Variants in RANBP17 observed in about 807,000 individuals in gnomAD.
RANBP17 encodes the protein ran-binding protein 17.
RANBP17 carries 158 observed loss-of-function variants against 141.2 expected under a neutral mutation model. The ratio of observed to expected loss-of-function variants is 1.12; its 90% CI spans 0.98 to 1.28. The LOEUF (loss-of-function observed/expected upper bound fraction) is 1.28, where lower values mean the gene tolerates loss of function less well. RANBP17 is among the 50% of genes most tolerant of loss of function. RANBP17 has a pLI of 0.00. For synonymous variants in RANBP17, 430 were observed against 450.0 expected (o/e 0.96, Z 0.56); for missense variants, 1,438 against 1,290.7 (o/e 1.11, Z -1.75).
At position 170,869,163 on chromosome 5, in the gene RANBP17, T is replaced by C. The variant is rs556882511; in HGVS notation, c.18+7112T>C. On this transcript the variant is annotated intron_variant, in intron 1 of 27. Coordinates refer to ENST00000523189, the MANE Select transcript of RANBP17 (RefSeq NM_022897.5). ...GGTAACATTGTTGATTTAAATACTA[T>C]GTAAATATACCCCAGGTCTGTTCTG... is the stretch of plus-strand genomic sequence containing the variant. Among the ~76,000 whole-genome samples the C allele has an allele frequency of 2.0e-5, 3 of 152,328 alleles. No individual in the cohort carries two copies. The South Asian group carries it at 6.2e-4, about 32-fold the overall frequency.
intron 14 of RANBP17, among the ~76,000 whole-genome samples, chr5:171,107,050 T>TTC (rs1754893851): frequency 3.1e-5 from 4 of 129,894 alleles, no homozygotes; most frequent in South Asian, 5.5e-4. Context: ...TGTTGTTGTT[T>TTC]TGGAGTTCAA....
In RANBP17 at chr5:170,937,150, A is replaced by G. The variant is rs988970723; in HGVS notation, c.1468+12600A>G. ...AGGTGGAGGACACCAACTTAATTCCATTTAAATTATTTCCTTAGAATGGGA... is the reference window on the plus strand; with the variant it reads ...AGGTGGAGGACACCAACTTAATTCCGTTTAAATTATTTCCTTAGAATGGGA... On this transcript the variant is annotated intron_variant, in intron 12 of 27. Coordinates refer to ENST00000523189, the MANE Select transcript of RANBP17 (RefSeq NM_022897.5). Among the ~76,000 whole-genome samples the G allele has an allele frequency of 2.0e-5, 3 of 152,180 alleles. 1 individual carries two copies. In the South Asian group the frequency reaches 6.2e-4, roughly 31 times the overall value.
intron 11 of RANBP17, among the ~76,000 whole-genome samples, 195 bp from the exon 12 acceptor site, chr5:170,924,162 T>TA (rs1772721156): frequency 6.6e-6 from 1 of 152,114 alleles, no homozygotes; most frequent in Non-Finnish European, 1.5e-5. Context: ...CATGCCCAGC[T>TA]AACTTTTGTA....
chr5:171,198,703 C>T (rs191744486), intron 18 of RANBP17, among the ~76,000 whole-genome samples: 2 of 152,286 alleles, frequency 1.3e-5, no homozygotes, highest in African/African-American at 4.8e-5. Context: ...CTTTGAGGAC[C>T]TTCTCTGAGC....
chr5:171,225,927 C>G (rs1763853734), intron 22 of RANBP17, among the ~76,000 whole-genome samples: 1 of 152,186 alleles, frequency 6.6e-6, no homozygotes, highest in African/African-American at 2.4e-5. Flanking sequence ...CGTTACAGCT[C>G]AGGGTCAGCA....
At chr5:171,232,319 G>A (rs770159025) in intron 22 of RANBP17, among the ~76,000 whole-genome samples, 12 of 152,098 alleles carry the variant, frequency 7.9e-5, no homozygotes, top group Non-Finnish European at 1.5e-4. Flanking sequence ...AATTACATCA[G>A]TGCTGAAATT....
chr5:170,952,504 T>C (rs75763523), intron 12 of RANBP17, among the ~76,000 whole-genome samples: 4,014 of 152,120 alleles, frequency 0.026, 157 homozygotes, highest in African/African-American at 0.09. Flanking sequence ...ATAAAAGAGT[T>C]GTTGATTAAT....
chr5:171,118,373 A>G (rs574222294), intron 14 of RANBP17, among the ~76,000 whole-genome samples: 144 of 152,024 alleles, frequency 9.5e-4, no homozygotes, highest in African/African-American at 3.3e-3. Context: ...CATTTTGGCT[A>G]TATTTGGGGT....
At chr5:170,985,126 CACAA>C (rs1235071118) in intron 14 of RANBP17, among the ~76,000 whole-genome samples, 1 of 151,366 alleles carries the variant, frequency 6.6e-6, no homozygotes, top group Non-Finnish European at 1.5e-5. Context: ...CACATACATA[CACAA>C]ACACAGACAC....
chr5:170,974,247 T>C (rs1046713833), intron 14 of RANBP17, among the ~76,000 whole-genome samples: 8 of 152,174 alleles, frequency 5.3e-5, no homozygotes, highest in Admixed American at 5.2e-4. Flanking sequence ...GATAACATCA[T>C]ATGCTTCCAA....
chr5:171,249,121 T>A (rs1765402261), intron 24 of RANBP17, among the ~76,000 whole-genome samples: 1 of 152,144 alleles, frequency 6.6e-6, no homozygotes, highest in Non-Finnish European at 1.5e-5. Flanking sequence ...CAGCTTCCAC[T>A]AATAACTGCA....
chr5:171,007,848 GAGA>G (rs570454713), intron 14 of RANBP17, among the ~76,000 whole-genome samples: 15 of 152,264 alleles, frequency 9.9e-5, no homozygotes, highest in African/African-American at 3.1e-4. Flanking sequence ...ACAGGCTAAG[GAGA>G]AGAAGGAGGA....
rs746595815 is a variant in RANBP17, at chr5:170,878,210, C to T, written c.132C>T (p.Leu44=). The change falls in exon 2 of 28, where the codon CTC becomes CTT. Residue 44 remains leucine (L), a synonymous_variant. Transcript: ENST00000523189. ...AACTTATTGACAGTCCAGAATGTCT[C>T]AGCAAGTGTCAACTTTTATTAGAAC... The part of the protein sequence containing the change: ...LLELIDSPEC[L]SKCQLLLEQG... 6.2e-7 allele frequency: 1 copy of T among 1,609,618 alleles called. No homozygotes were observed. The highest frequency in any genetic ancestry group is 1.1e-5 in the South Asian group (1 of 89,492).
chr5:171,145,249 T>A (rs746556976), intron 14 of RANBP17, among the ~76,000 whole-genome samples: 14 of 152,138 alleles, frequency 9.2e-5, no homozygotes, highest in Non-Finnish European at 2.1e-4. Flanking sequence ...CAGTTGGTCT[T>A]TGGGGGCCAT....
chr5:171,060,574 A>G, intron 14 of RANBP17, among the ~76,000 whole-genome samples: 1 of 152,154 alleles, frequency 6.6e-6, no homozygotes. Context: ...TCAGTATTTT[A>G]TTGAGGATTT....
intron 14 of RANBP17, among the ~76,000 whole-genome samples, chr5:171,064,019 C>G (rs975216448): frequency 4.6e-5 from 7 of 152,246 alleles, no homozygotes; most frequent in Non-Finnish European, 5.9e-5. Flanking sequence ...ATCGGAAAAG[C>G]GCAGTATTAG....
At chr5:171,149,246 A>AT (rs1269721140) in intron 14 of RANBP17, among the ~76,000 whole-genome samples, 4 of 152,188 alleles carry the variant, frequency 2.6e-5, no homozygotes, top group African/African-American at 9.6e-5. Context: ...TTACTGTTCC[A>AT]TTTTTTACTG....
chr5:171,063,894 T>C (rs376219927), intron 14 of RANBP17, among the ~76,000 whole-genome samples: 43 of 152,332 alleles, frequency 2.8e-4, no homozygotes, highest in Non-Finnish European at 5.3e-4. Context: ...GCCTCGCTGC[T>C]GCCTTGCAGT....
At chr5:171,289,564 CT>C (rs1379884407) in intron 25 of RANBP17, among the ~76,000 whole-genome samples, 1 of 152,050 alleles carries the variant, frequency 6.6e-6, no homozygotes, top group East Asian at 1.9e-4. Flanking sequence ...AAAAAGAGAT[CT>C]GGTCTCTACA....
Sources: allele counts gnomAD v4.1 joint callset (sites outside exome capture counted in the v4.1 genomes callset), GRCh38; gene constraint gnomAD v4.1.1; transcripts MANE v1.5; gene names NCBI Gene and HGNC (gene_info 2026-07-23, HGNC 2026-07-21).